The following MAGEB1 variants were observed in gnomAD, a reference collection of about 807,000 sequenced individuals.
The protein encoded by MAGEB1 is melanoma-associated antigen B1.
For synonymous variants in MAGEB1, 99 were observed against 105.7 expected (o/e 0.94, Z 0.39); for missense variants, 290 against 286.7 (o/e 1.01, Z -0.08).
In MAGEB1 at chrX:30,250,527, C is replaced by T; in HGVS notation, c.34C>T (p.Arg12Cys). 1.4e-5 allele frequency: 17 copies of T among 1,202,082 alleles called. No homozygotes were observed. The highest frequency in any genetic ancestry group is 7.3e-5 in the South Asian group (4 of 54,699). The change falls in exon 2 of 2, where the codon CGT becomes TGT. Residue 12 changes from arginine to cysteine, a missense_variant. Physicochemically the swap from Arg to Cys is radical, Grantham distance 180 (BLOSUM62 -3). Transcript: ENST00000397548. ...GGGTCAGAAGAGTAAGCTCCGTGCTCGTGAGAAACGCCGCAAGGCGCGAGA... is the reference window on the plus strand; with the variant it reads ...GGGTCAGAAGAGTAAGCTCCGTGCTTGTGAGAAACGCCGCAAGGCGCGAGA... ...PRGQKSKLRA[R>C]EKRRKAREET...
At position 30,250,595 on chromosome X, in the gene MAGEB1, GAA is replaced by G; in HGVS notation, c.104_105del (p.Lys35ArgfsTer45). 5.0e-6 allele frequency: 6 copies of G among 1,208,448 alleles called. No homozygotes were observed. Among genetic ancestry groups the G allele is most frequent in the Non-Finnish European group, 6.7e-6 (6 of 893,529 alleles). ...AGGTTGCTCACGCCACTGCAGCAGAGAAAGAGGAGTGCCCCTCCTCCTCTCCT... is the reference window on the plus strand; with the variant it reads ...AGGTTGCTCACGCCACTGCAGCAGAGAGAGGAGTGCCCCTCCTCCTCTCCT... The part of the protein sequence containing the change: ...LKVAHATAAE[K>X]EECPSSSPVL... On this transcript the variant is annotated frameshift_variant, in exon 2 of 2. Transcript: ENST00000397548. LOFTEE classifies it low-confidence loss of function (END_TRUNC).
intron 1 of MAGEB1, among the ~76,000 whole-genome samples, chrX:30,249,645 T>C (rs1396524231): frequency 1.8e-5 from 2 of 111,500 alleles, no homozygotes; most frequent in African/African-American, 6.5e-5. Flanking sequence ...AATATGGGCA[T>C]TGTGACCAGA....
upstream of MAGEB1, among the ~76,000 whole-genome samples, chrX:30,246,562 C>T (rs1453053054): frequency 9.0e-6 from 1 of 111,494 alleles, no homozygotes; most frequent in Non-Finnish European, 1.9e-5. Flanking sequence ...TGACTGGTTC[C>T]GTCTAATTGG....
chrX:30,250,401 A>G (rs1925470372), intron 1 of MAGEB1, 33 bp from the exon 2 acceptor site: 2 of 762,047 alleles, frequency 2.6e-6, no homozygotes, highest in Non-Finnish European at 3.7e-6. Context: ...CCCTGCTGCA[A>G]GTACTCACAG....
chrX:30,249,900 CTT>C (rs1925450726), intron 1 of MAGEB1, among the ~76,000 whole-genome samples: 1 of 111,373 alleles, frequency 9.0e-6, no homozygotes, highest in African/African-American at 3.3e-5. Flanking sequence ...CAGGCTGAGA[CTT>C]TATTTCTTTG....
upstream of MAGEB1, among the ~76,000 whole-genome samples, chrX:30,246,136 A>G (rs1403703328): frequency 1.8e-5 from 2 of 112,166 alleles, no homozygotes; most frequent in Non-Finnish European, 1.9e-5. Context: ...GGGTTCATCC[A>G]GACCCTCAGG....
At chrX:30,249,077 A>G (rs1168609688) in intron 1 of MAGEB1, among the ~76,000 whole-genome samples, 1 of 111,277 alleles carries the variant, frequency 9.0e-6, no homozygotes, top group African/African-American at 3.3e-5. Flanking sequence ...CAGATGTGTC[A>G]TCCCCTCAAG....
chrX:30,245,682 C>T (rs995336161), upstream of MAGEB1, among the ~76,000 whole-genome samples: 1 of 111,946 alleles, frequency 8.9e-6, no homozygotes, highest in African/African-American at 3.3e-5. Context: ...ATAACCAGAG[C>T]AAGAAGAATA....
Position 30,249,260 on chromosome X carries a change from C to T in MAGEB1, c.-60-1174C>T, listed in dbSNP as rs188331099. Among the ~76,000 whole-genome samples, 24 of 111,248 alleles carry T rather than the reference C, an allele frequency of 2.2e-4. No individual in the cohort carries two copies. The East Asian group carries it at 2.8e-3, about 13-fold the overall frequency. On this transcript the variant is annotated intron_variant, in intron 1 of 1. Transcript: ENST00000397548. ...ACTGGATGTGATTCAGGCTTTCTTT[C>T]ATCTTGGGACTATGAGGCAATGAGA...
upstream of MAGEB1, among the ~76,000 whole-genome samples, chrX:30,244,966 T>G (rs766708163): frequency 8.9e-6 from 1 of 112,361 alleles, no homozygotes; most frequent in African/African-American, 3.2e-5. Flanking sequence ...TGCTATCAGC[T>G]GGGGAGCCAG....
rs759970013 is a variant in MAGEB1 at position 30,251,040 on chromosome X, C to G, written c.547C>G (p.Leu183Val). ...HTYTLVSKLNLTNDGNLSNDW... is the reference protein window; with the variant it reads ...HTYTLVSKLNVTNDGNLSNDW... Reference sequence around the variant, plus strand: ...CTACACCCTCGTCAGTAAGCTAAACCTCACCAATGATGGAAACCTGAGCAA... The same window carrying G: ...CTACACCCTCGTCAGTAAGCTAAACGTCACCAATGATGGAAACCTGAGCAA... Residue 183 changes from leucine to valine, a missense_variant, in exon 2 of 2, where the codon CTC becomes GTC. Leu to Val is a conservative substitution (Grantham distance 32). Transcript: ENST00000397548. 1 of 1,211,209 alleles carries G rather than the reference C, an allele frequency of 8.3e-7. No homozygotes were observed. Among genetic ancestry groups the G allele is most frequent in the Non-Finnish European group, 1.1e-6 (1 of 895,199 alleles).
At chrX:30,249,202 C>G (rs1199036490) in intron 1 of MAGEB1, among the ~76,000 whole-genome samples, 1 of 111,467 alleles carries the variant, frequency 9.0e-6, no homozygotes, top group African/African-American at 3.3e-5. Flanking sequence ...AACAACGACC[C>G]CAGAACAGTG....
chrX:30,248,185 A>G (rs930008045), intron 1 of MAGEB1, among the ~76,000 whole-genome samples: 13 of 110,828 alleles, frequency 1.2e-4, no homozygotes, highest in African/African-American at 4.3e-4. Flanking sequence ...GAGGGAGACA[A>G]TTGCGCCTGA....
At chrX:30,247,143 C>A (rs1925339779), upstream of MAGEB1, 1 of 109,513 alleles carries the variant, frequency 9.1e-6, no homozygotes, top group Admixed American at 9.6e-5. Context: ...CCGGATGTGG[C>A]TCATCCTGAC....
rs1601969646 is a variant in MAGEB1, at chrX:30,251,680, T to C, written c.*143T>C. 5 of 506,946 alleles carry C rather than the reference T, an allele frequency of 9.9e-6. No individual in the cohort carries two copies. In the East Asian group the frequency reaches 1.8e-4, roughly 19 times the overall value. 41.8% of individuals were successfully genotyped at this position (506,946 alleles called of 1,213,427 possible). A position where few individuals can be genotyped will look rare whatever the true frequency, so the allele number is the denominator to read the frequency against. ...AACATTAGTATCTTTCAAGTGTTTT[T>C]CTTTTAATAGAATGTTTATTTAGAG... On this transcript the variant is annotated 3_prime_UTR_variant, in exon 2 of 2. Transcript: ENST00000397548.
chrX:30,250,023 TGAGGTCCAACTAGCCCAG>T (rs1569258438), intron 1 of MAGEB1, among the ~76,000 whole-genome samples: 1 of 111,380 alleles, frequency 9.0e-6, no homozygotes, highest in Non-Finnish European at 1.9e-5. Flanking sequence ...GAATTAAGAT[TGAGGTCCAACTAGCCCAG>T]GACAGAGAGA....
intron 1 of MAGEB1, among the ~76,000 whole-genome samples, chrX:30,248,312 TAG>T (rs1925397579): frequency 8.9e-6 from 1 of 111,846 alleles, no homozygotes; most frequent in South Asian, 3.8e-4. Context: ...CCCAGTTCAG[TAG>T]AGAGATAGGA....
intron 1 of MAGEB1, among the ~76,000 whole-genome samples, chrX:30,248,666 G>C (rs963259507): frequency 2.7e-5 from 3 of 111,256 alleles, no homozygotes; most frequent in Non-Finnish European, 5.7e-5. Flanking sequence ...ATGGTGACAT[G>C]ATGAGTCTCA....
Position 30,250,474 on chromosome X carries a change from T to G in MAGEB1, c.-20T>G. 1 of 1,157,222 alleles carries G rather than the reference T, an allele frequency of 8.6e-7. No homozygotes were observed. Among genetic ancestry groups the G allele is most frequent in the Non-Finnish European group, 1.2e-6 (1 of 866,806 alleles). ...CCTTTCTGCTCACTTTCCTGCCTGT[T>G]TTGCCTGACCACAGCCATCATGCCT... On this transcript the variant is annotated 5_prime_UTR_variant, in exon 2 of 2. Transcript: ENST00000397548.
Sources: allele counts gnomAD v4.1 joint callset (sites outside exome capture counted in the v4.1 genomes callset), GRCh38; gene constraint gnomAD v4.1.1; transcripts MANE v1.5; gene names NCBI Gene and HGNC (gene_info 2026-07-23, HGNC 2026-07-21).